The following UNC5D variants were observed in gnomAD, a reference collection of about 807,000 sequenced individuals.
The protein encoded by UNC5D is netrin receptor UNC5D.
UNC5D carries 39 observed loss-of-function variants against 105.4 expected under a neutral mutation model. The ratio of observed to expected loss-of-function variants is 0.37; its 90% CI spans 0.29 to 0.48. The LOEUF (loss-of-function observed/expected upper bound fraction) is 0.48. UNC5D is among the 20% of genes least tolerant of loss of function. UNC5D has a pLI of 0.98. For missense variants in UNC5D, 991 were observed against 1,202.4 expected (o/e 0.82, Z 2.60); for synonymous variants, 452 against 450.4 (o/e 1.00, Z -0.04).
chr8:35,668,345 T>C (rs1197822531), intron 4 of UNC5D, among the ~76,000 whole-genome samples: 1 of 152,142 alleles, frequency 6.6e-6, no homozygotes, highest in Non-Finnish European at 1.5e-5. Flanking sequence ...ATTGCTCTTA[T>C]TGAATGCAGA....
intron 1 of UNC5D, among the ~76,000 whole-genome samples, chr8:35,547,589 G>A (rs187956376): frequency 3.9e-5 from 6 of 152,316 alleles, no homozygotes; most frequent in Middle Eastern, 3.4e-3. Flanking sequence ...GTAAGCCACC[G>A]CGGCCAGTCA....
At chr8:35,702,274 T>TA (rs1330429925) in intron 7 of UNC5D, among the ~76,000 whole-genome samples, 1 of 152,046 alleles carries the variant, frequency 6.6e-6, no homozygotes, top group Non-Finnish European at 1.5e-5. Context: ...CCTCAAGGCA[T>TA]CTTAGGGAGG....
chr8:35,583,278 A>G (rs1323016760), intron 3 of UNC5D, among the ~76,000 whole-genome samples: 1 of 152,154 alleles, frequency 6.6e-6, no homozygotes, highest in Non-Finnish European at 1.5e-5. Context: ...GCTTGAGCTC[A>G]GGAGTTTTAA....
intron 4 of UNC5D, among the ~76,000 whole-genome samples, chr8:35,624,257 A>G (rs1821556989): frequency 6.6e-6 from 1 of 152,230 alleles, no homozygotes; most frequent in Non-Finnish European, 1.5e-5. Flanking sequence ...TATGGCGTAT[A>G]TAGTGGAAGC....
At chr8:35,706,897 C>T (rs1257007858) in intron 8 of UNC5D, among the ~76,000 whole-genome samples, 2 of 152,136 alleles carry the variant, frequency 1.3e-5, no homozygotes, top group Non-Finnish European at 2.9e-5. Context: ...AAGTCATTCT[C>T]ATACATCAGA....
chr8:35,683,402 G>A, intron 4 of UNC5D, 145 bp from the exon 5 acceptor site: 2 of 794,708 alleles, frequency 2.5e-6, no homozygotes, highest in Non-Finnish European at 3.7e-6. Flanking sequence ...AAAAGGGACA[G>A]GATATGGAAT....
intron 11 of UNC5D, among the ~76,000 whole-genome samples, chr8:35,733,967 A>G (rs1027282946): frequency 6.6e-6 from 1 of 151,860 alleles, no homozygotes; most frequent in Non-Finnish European, 1.5e-5. Flanking sequence ...TGAGGGGTAG[A>G]GGGGTCTAAA....
intron 1 of UNC5D, among the ~76,000 whole-genome samples, chr8:35,289,649 A>G (rs1440485410): frequency 2.0e-5 from 3 of 152,256 alleles, no homozygotes; most frequent in African/African-American, 7.2e-5. Context: ...AATACGTGTG[A>G]TAACAGGTTA....
intron 1 of UNC5D, among the ~76,000 whole-genome samples, chr8:35,403,112 T>C (rs963679573): frequency 1.3e-5 from 2 of 152,228 alleles, no homozygotes; most frequent in African/African-American, 4.8e-5. Flanking sequence ...CTATATTTAC[T>C]AATCAGGCCA....
intron 1 of UNC5D, among the ~76,000 whole-genome samples, chr8:35,470,206 T>C (rs1809602156): frequency 6.6e-6 from 1 of 152,188 alleles, no homozygotes; most frequent in African/African-American, 2.4e-5. Context: ...GGTACTAATG[T>C]AGGTCTGTGT....
intron 3 of UNC5D, among the ~76,000 whole-genome samples, chr8:35,584,578 TTTG>T (rs145205530): frequency 0.014 from 2,138 of 151,738 alleles, 47 homozygotes; most frequent in African/African-American, 0.048. Context: ...CCAAGCCTAT[TTTG>T]TTGTTGTTGT....
intron 3 of UNC5D, among the ~76,000 whole-genome samples, chr8:35,593,970 G>T (rs1478633053): frequency 1.3e-5 from 2 of 152,182 alleles, no homozygotes; most frequent in Non-Finnish European, 2.9e-5. Flanking sequence ...TTCATTCTGG[G>T]TTTATTCACA....
At chr8:35,557,870 G>C (rs181738801) in intron 2 of UNC5D, among the ~76,000 whole-genome samples, 1 of 152,030 alleles carries the variant, frequency 6.6e-6, no homozygotes, top group South Asian at 2.1e-4. Flanking sequence ...AGTGGCTCAC[G>C]CATGTAATCC....
In UNC5D at chr8:35,751,793, A is replaced by G. The variant is rs552418945; in HGVS notation, c.2163+984A>G. Reference sequence around the variant, plus strand: ...TGTGCAGAACATTGTGTGCTAAATTATGCAACTGACCCGAAACATAATCAG... The same window carrying G: ...TGTGCAGAACATTGTGTGCTAAATTGTGCAACTGACCCGAAACATAATCAG... On this transcript the variant is annotated intron_variant, in intron 13 of 16. Transcript: ENST00000404895. Among the ~76,000 whole-genome samples, 6 of 152,346 alleles carry G rather than the reference A, an allele frequency of 3.9e-5. No individual in the cohort carries two copies. In the South Asian group the frequency reaches 1.0e-3, roughly 26 times the overall value.
intron 1 of UNC5D, among the ~76,000 whole-genome samples, chr8:35,248,006 A>G (rs1484729476): frequency 2.8e-5 from 1 of 35,588 alleles, no homozygotes; most frequent in Non-Finnish European, 4.3e-5. Context: ...TATTATATAT[A>G]AAATATATAT....
At chr8:35,419,939 G>A (rs1805783383) in intron 1 of UNC5D, among the ~76,000 whole-genome samples, 1 of 152,092 alleles carries the variant, frequency 6.6e-6, no homozygotes, top group African/African-American at 2.4e-5. Flanking sequence ...GTGTGGGGTG[G>A]GGAGAAAGCA....
intron 15 of UNC5D, among the ~76,000 whole-genome samples, chr8:35,772,388 A>T (rs2131732490): frequency 6.6e-6 from 1 of 152,336 alleles, no homozygotes; most frequent in South Asian, 2.1e-4. Context: ...CAATTAACAG[A>T]TTTAAGAACT....
rs117555699 is a variant in UNC5D, at chr8:35,416,774, G to A, written c.104-132518G>A. Among the ~76,000 whole-genome samples, 42 of 152,194 alleles carry A rather than the reference G, an allele frequency of 2.8e-4. No individual in the cohort carries two copies. The East Asian group carries it at 7.3e-3, about 27-fold the overall frequency. On this transcript the variant is annotated intron_variant, in intron 1 of 16. Coordinates refer to ENST00000404895, the MANE Select transcript of UNC5D (RefSeq NM_080872.4). Reference sequence around the variant, plus strand: ...TTTCACATACAATTTTGCATCAGTTGCAGACAAACTTAATCTGAAAGGAAG... The same window carrying A: ...TTTCACATACAATTTTGCATCAGTTACAGACAAACTTAATCTGAAAGGAAG...
chr8:35,490,787 T>C (rs572372765), intron 1 of UNC5D, among the ~76,000 whole-genome samples: 1 of 152,260 alleles, frequency 6.6e-6, no homozygotes, highest in South Asian at 2.1e-4. Flanking sequence ...TACTAGAGGG[T>C]TTTGAGCTGT....
Sources: gnomAD v4.1 joint callset for allele counts (sites outside exome capture counted in the v4.1 genomes callset) on GRCh38, gnomAD v4.1.1 for gene constraint, MANE v1.5 for transcripts, NCBI Gene and HGNC (gene_info 2026-07-23, HGNC 2026-07-21) for gene names.